Variants in CCM2 observed in about 807,000 individuals in gnomAD.
The protein encoded by CCM2 is CCM2 scaffold protein, also known as cerebral cavernous malformations 2 protein.
CCM2 carries 25 observed loss-of-function variants against 44.9 expected under a neutral mutation model. That is an observed-to-expected ratio of 0.56 (90% CI 0.41 to 0.78). The LOEUF (loss-of-function observed/expected upper bound fraction) is 0.78. CCM2 is among the 30% of genes least tolerant of loss of function. The probability of loss-of-function intolerance (pLI) is 0.00; values close to 1 mark genes in which losing one functional copy is unlikely to be tolerated. For missense variants in CCM2, 481 were observed against 580.6 expected (o/e 0.83, Z 1.76); for synonymous variants, 219 against 241.1 (o/e 0.91, Z 0.85).
intron 1 of CCM2, among the ~76,000 whole-genome samples, chr7:45,026,390 C>T (rs1431252319): frequency 6.6e-6 from 1 of 151,940 alleles, no homozygotes; most frequent in Non-Finnish European, 1.5e-5. Flanking sequence ...AAATTTTATT[C>T]TGAAGCAATC....
intron 3 of CCM2, 121 bp downstream of exon 3, chr7:45,064,122 G>T: frequency 1.4e-6 from 1 of 707,412 alleles, no homozygotes. Flanking sequence ...GGGTACACTT[G>T]GCTCTTGGCC....
At chr7:45,009,043 T>C (rs1795961063) in intron 1 of CCM2, among the ~76,000 whole-genome samples, 1 of 152,098 alleles carries the variant, frequency 6.6e-6, no homozygotes, top group African/African-American at 2.4e-5. Flanking sequence ...TGCTCACGCC[T>C]CTAATCCCAG....
chr7:45,072,239 C>G, intron 6 of CCM2: 1 of 329,576 alleles, frequency 3.0e-6, no homozygotes, highest in Non-Finnish European at 5.9e-6. Flanking sequence ...CTTGGGAATC[C>G]TGTGGCTTCA....
chr7:45,050,207 G>A (rs995475671), intron 2 of CCM2, among the ~76,000 whole-genome samples: 3 of 152,236 alleles, frequency 2.0e-5, no homozygotes, highest in African/African-American at 7.2e-5. Flanking sequence ...TTAACATGCT[G>A]TACAGGTTGT....
chr7:45,002,823 T>C lies in CCM2; in HGVS notation c.30+2460T>C, dbSNP rs138585025. On this transcript the variant is annotated intron_variant, in intron 1 of 9. Transcript: ENST00000258781. ...TGGGTGATGGGGATACAGGAAGAGC[T>C]TGTGGCCCCCAGGAGCTGATGGGGA... Among the ~76,000 whole-genome samples the C allele has an allele frequency of 8.8e-4, 134 of 152,248 alleles. 1 individual carries two copies. Among genetic ancestry groups the C allele is most frequent in the African/African-American group, 2.9e-3 (121 of 41,550 alleles).
At chr7:45,004,899 G>A (rs1431895318) in intron 1 of CCM2, among the ~76,000 whole-genome samples, 2 of 151,788 alleles carry the variant, frequency 1.3e-5, no homozygotes, top group African/African-American at 4.8e-5. Flanking sequence ...GTGAGGCTGA[G>A]GCAGGAGAAT....
At chr7:45,059,569 AC>A (rs963664910) in intron 2 of CCM2, among the ~76,000 whole-genome samples, 3 of 151,804 alleles carry the variant, frequency 2.0e-5, no homozygotes, top group African/African-American at 7.3e-5. Context: ...ACATGGCAAA[AC>A]CCCGTCTGTC....
chr7:45,064,795 C>A, intron 4 of CCM2, 149 bp downstream of exon 4: 1 of 830,658 alleles, frequency 1.2e-6, no homozygotes, highest in Non-Finnish European at 1.9e-6. Flanking sequence ...TGAGATCAGC[C>A]AGAAGAGGGC....
chr7:45,001,448 G>A (rs1475746368), intron 1 of CCM2, among the ~76,000 whole-genome samples: 3 of 152,248 alleles, frequency 2.0e-5, no homozygotes, highest in African/African-American at 7.2e-5. Flanking sequence ...TGCGTGCTGC[G>A]CACAGAAGAG....
In CCM2 at chr7:45,058,324, G is replaced by GT. The variant is rs541756369; in HGVS notation, c.205-5585dup. Among the ~76,000 whole-genome samples, 1,251 of 151,484 alleles carry GT rather than the reference G, an allele frequency of 8.3e-3. 17 individuals carry two copies. Among genetic ancestry groups the GT allele is most frequent in the African/African-American group, 0.028 (1,164 of 41,302 alleles). On this transcript the variant is annotated intron_variant, in intron 2 of 9. Transcript: ENST00000258781. ...TTAAGTATGATGTTCGCTTTAGGGT[G>GT]TTTTTTTTTAATACTTTAAGTTTTA...
intron 1 of CCM2, among the ~76,000 whole-genome samples, chr7:45,022,489 G>T (rs1796520860): frequency 6.6e-6 from 1 of 150,966 alleles, no homozygotes; most frequent in Admixed American, 6.6e-5. Context: ...TGTATTTTTA[G>T]TAGAGACGGG....
intron 4 of CCM2, among the ~76,000 whole-genome samples, chr7:45,066,090 A>C (rs1410697427): frequency 1.2e-4 from 19 of 152,144 alleles, no homozygotes; most frequent in Non-Finnish European, 2.4e-4. Context: ...AATGGATGAC[A>C]GATTTTTTTT....
At chr7:45,020,843 T>G (rs910593316) in intron 1 of CCM2, among the ~76,000 whole-genome samples, 1 of 71,594 alleles carries the variant, frequency 1.4e-5, no homozygotes, top group Admixed American at 1.4e-4. Context: ...TCACACCCAC[T>G]AGAAACAACT....
At chr7:45,011,775 T>A (rs959317884) in intron 1 of CCM2, among the ~76,000 whole-genome samples, 1 of 152,094 alleles carries the variant, frequency 6.6e-6, no homozygotes, top group African/African-American at 2.4e-5. Flanking sequence ...TGATCTCAAA[T>A]TCTTGATCTC....
chr7:45,074,434 G>A (rs1488131190), intron 9 of CCM2, 26 bp downstream of exon 9: 1 of 1,602,156 alleles, frequency 6.2e-7, no homozygotes, highest in Non-Finnish European at 8.5e-7. Context: ...AAAGAGGGTG[G>A]CTTGTCCAAA....
intron 2 of CCM2, among the ~76,000 whole-genome samples, chr7:45,053,807 A>G (rs1414665284): frequency 6.6e-6 from 1 of 152,130 alleles, no homozygotes; most frequent in Non-Finnish European, 1.5e-5. Context: ...CTCCTGAGGG[A>G]CATGGGCCAC....
chr7:45,048,788 T>A (rs139922822), intron 2 of CCM2, among the ~76,000 whole-genome samples: 2 of 152,286 alleles, frequency 1.3e-5, no homozygotes, highest in East Asian at 3.9e-4. Flanking sequence ...TTCTGTAGTT[T>A]CCATCACAAG....
chr7:45,062,191 G>T (rs773926020), intron 2 of CCM2, among the ~76,000 whole-genome samples: 1 of 152,156 alleles, frequency 6.6e-6, no homozygotes, highest in Non-Finnish European at 1.5e-5. Flanking sequence ...GCCTTTACAA[G>T]CTGGACAGGA....
intron 1 of CCM2, among the ~76,000 whole-genome samples, chr7:45,007,312 T>C (rs1301074445): frequency 6.6e-6 from 1 of 152,206 alleles, no homozygotes; most frequent in Non-Finnish European, 1.5e-5. Context: ...AGCCCAGCCA[T>C]GTCCTCTGCA....
Sources: allele counts gnomAD v4.1 joint callset (sites outside exome capture counted in the v4.1 genomes callset), GRCh38; gene constraint gnomAD v4.1.1; transcripts MANE v1.5; gene names NCBI Gene and HGNC (gene_info 2026-07-23, HGNC 2026-07-21).